DCLRE1C: variants seen among roughly 807,000 people sequenced by gnomAD.
The protein encoded by DCLRE1C is DNA cross-link repair 1C.
In DCLRE1C, 47 loss-of-function variants were observed where a neutral mutation model predicts 61.4. The observed-to-expected ratio is 0.77, with a 90% CI of 0.61 to 0.98. The LOEUF (loss-of-function observed/expected upper bound fraction) is 0.98, where lower values mean the gene tolerates loss of function less well. DCLRE1C is among the 50% of genes least tolerant of loss of function. The pLI is 0.00. For missense variants in DCLRE1C, 858 were observed against 816.0 expected (o/e 1.05, Z -0.63); for synonymous variants, 337 against 287.6 (o/e 1.17, Z -1.74).
In DCLRE1C at chr10:14,939,904, A is replaced by C. The variant is rs535774830; in HGVS notation, c.247-35T>G. 186 of 1,516,520 alleles carry C rather than the reference A, an allele frequency of 1.2e-4. 2 individuals carry two copies. The South Asian group carries it at 1.8e-3, about 15-fold the overall frequency. The allele number at this position is 1,516,520 out of a possible 1,614,324, so 93.9% of individuals were successfully genotyped here. On this transcript the variant is annotated intron_variant, in intron 3 of 13. Coordinates refer to ENST00000378278, the MANE Select transcript of DCLRE1C (RefSeq NM_001033855.3). ...TAAAATAAGAGACCATGTATATAGC[A>C]GTTTTTCATGGCTTTATATGCCTTT...
intron 1 of DCLRE1C, among the ~76,000 whole-genome samples, chr10:14,951,410 A>G (rs934201467): frequency 1.4e-5 from 2 of 147,328 alleles, no homozygotes; most frequent in African/African-American, 2.5e-5. Context: ...AAAAAAAAAA[A>G]AAAAAAAAAA....
chr10:14,934,648 T>C (rs2130941817), intron 7 of DCLRE1C, 55 bp downstream of exon 7: 1 of 1,611,552 alleles, frequency 6.2e-7, no homozygotes, highest in Non-Finnish European at 8.5e-7. Flanking sequence ...ACAAACTTCC[T>C]ACTAAAAACA....
At chr10:14,920,256 T>A (rs1836880156) in intron 12 of DCLRE1C, 1 of 429,960 alleles carries the variant, frequency 2.3e-6, no homozygotes, top group Non-Finnish European at 3.4e-6. Context: ...CAGTAGGGTT[T>A]ACTTATATCT....
intron 13 of DCLRE1C, among the ~76,000 whole-genome samples, chr10:14,915,048 A>G (rs1835941012): frequency 1.3e-5 from 2 of 152,138 alleles, no homozygotes; most frequent in Admixed American, 6.5e-5. Context: ...CTAGTAACAA[A>G]TTTCTAAATA....
At chr10:14,912,819 C>G (rs886357589) in intron 13 of DCLRE1C, among the ~76,000 whole-genome samples, 2 of 152,140 alleles carry the variant, frequency 1.3e-5, no homozygotes, top group African/African-American at 4.8e-5. Flanking sequence ...ATAGCTGGGA[C>G]TACAGGTGCC....
At chr10:14,936,199 G>C (rs910115641) in intron 5 of DCLRE1C, among the ~76,000 whole-genome samples, 5 of 151,920 alleles carry the variant, frequency 3.3e-5, no homozygotes, top group Admixed American at 2.0e-4. Context: ...TGGCCATGAA[G>C]ACTTCCATTT....
At position 14,906,128 on chromosome 10, in the gene DCLRE1C, G is replaced by A. The variant is rs547734090; in HGVS notation, c.*2280C>T. On this transcript the variant is annotated 3_prime_UTR_variant, in exon 14 of 14. Coordinates refer to ENST00000378278, the MANE Select transcript of DCLRE1C (RefSeq NM_001033855.3). ...CATAGCAGTTAAGATCATGGTCTCT[G>A]AAGCCAAACTGCCTGTGTTTGAATT... Among the ~76,000 whole-genome samples, 2 of 152,324 alleles carry A rather than the reference G, an allele frequency of 1.3e-5. No individual in the cohort carries two copies. The highest frequency in any genetic ancestry group is 3.9e-4 in the East Asian group (2 of 5,188).
chr10:14,932,246 T>C (rs893189471), intron 9 of DCLRE1C, among the ~76,000 whole-genome samples: 1 of 152,022 alleles, frequency 6.6e-6, no homozygotes. Context: ...CATATATAAA[T>C]AGCACAAATG....
Position 14,928,168 on chromosome 10 carries a change from A to G in DCLRE1C, c.781-16T>C, listed in dbSNP as rs1421642864. On this transcript the variant is annotated splice_polypyrimidine_tract_variant and intron_variant, in intron 9 of 13. Coordinates refer to ENST00000378278, the MANE Select transcript of DCLRE1C (RefSeq NM_001033855.3). Reference sequence around the variant, plus strand: ...ATTCCTCTGCCTAAAAAAGATAAAAAGCATAGAAAAACAGTTCTACATTTT... The same window carrying G: ...ATTCCTCTGCCTAAAAAAGATAAAAGGCATAGAAAAACAGTTCTACATTTT... 1 of 1,611,994 alleles carries G rather than the reference A, an allele frequency of 6.2e-7. No homozygotes were observed. The highest frequency in any genetic ancestry group is 1.1e-5 in the South Asian group (1 of 90,972).
intron 8 of DCLRE1C, among the ~76,000 whole-genome samples, chr10:14,933,770 A>G (rs2130928045): frequency 6.6e-6 from 1 of 152,344 alleles, no homozygotes; most frequent in South Asian, 2.1e-4. Flanking sequence ...CAATCACTAA[A>G]TTTATTTCAT....
chr10:14,954,184 G>A, upstream of DCLRE1C: 2 of 1,144,806 alleles, frequency 1.7e-6, no homozygotes. Context: ...GGAGCATCCG[G>A]TCGGGTTCTA....
At chr10:14,925,320 A>G (rs1837791218) in intron 11 of DCLRE1C, among the ~76,000 whole-genome samples, 1 of 152,068 alleles carries the variant, frequency 6.6e-6, no homozygotes, top group African/African-American at 2.4e-5. Context: ...AGGAGATAAG[A>G]GACACCCAAT....
At chr10:14,921,007 GGAAT>G (rs1274339461) in intron 12 of DCLRE1C, among the ~76,000 whole-genome samples, 1 of 148,938 alleles carries the variant, frequency 6.7e-6, no homozygotes, top group Non-Finnish European at 1.5e-5. Flanking sequence ...TGCAGGATAA[GGAAT>G]GAATATGCAT....
At position 14,908,508 on chromosome 10, in the gene DCLRE1C, T is replaced by C. The variant is rs2131769121; in HGVS notation, c.1979A>G (p.Glu660Gly). 1 of 1,614,138 alleles carries C rather than the reference T, an allele frequency of 6.2e-7. No individual in the cohort carries two copies. Among genetic ancestry groups the C allele is most frequent in the Non-Finnish European group, 8.5e-7 (1 of 1,180,012 alleles). ...TTGTAAATGCTCTCGTTTAGGTAAC[T>C]CAGCTTCTGGAGTTGAGGGAACTTC... Reference protein sequence around the residue: ...DFEVPSTPEAELPKREHLQYL... With the variant: ...DFEVPSTPEAGLPKREHLQYL... The change falls in exon 14 of 14, where the codon GAG becomes GGG. Residue 660 changes from glutamate to glycine, a missense_variant. By Grantham distance (98) the Glu-to-Gly change is moderately conservative. Around this residue, in one of 2 missense-constraint regions of DCLRE1C, gnomAD observed 843 missense variants for 783.5 expected, o/e 1.08. Transcript: ENST00000378278.
At chr10:14,928,307 C>G (rs983703893) in intron 9 of DCLRE1C, among the ~76,000 whole-genome samples, 155 bp from the exon 10 acceptor site, 2 of 151,988 alleles carry the variant, frequency 1.3e-5, no homozygotes, top group African/African-American at 4.8e-5. Flanking sequence ...AAGAAACAAT[C>G]AGATAATTCC....
In DCLRE1C at chr10:14,904,948, T is replaced by TC. The variant is rs1218813314; in HGVS notation, c.*3459dup. On this transcript the variant is annotated 3_prime_UTR_variant, in exon 14 of 14. Coordinates refer to ENST00000378278, the MANE Select transcript of DCLRE1C (RefSeq NM_001033855.3). ...CATAATTAGTAATCTCAGGGTTTTT[T>TC]CCCCCATATCTAAAATGTAGACAAT... Among the ~76,000 whole-genome samples the TC allele has an allele frequency of 6.6e-6, 1 of 152,204 alleles. No individual in the cohort carries two copies. The highest frequency in any genetic ancestry group is 1.5e-5 in the Non-Finnish European group (1 of 68,036).
At chr10:14,952,763 G>C (rs528945680) in intron 1 of DCLRE1C, among the ~76,000 whole-genome samples, 3 of 151,952 alleles carry the variant, frequency 2.0e-5, no homozygotes, top group African/African-American at 7.3e-5. Flanking sequence ...ATGCGAATAC[G>C]GCAACGCACG....
Position 14,908,524 on chromosome 10 carries a change from A to C in DCLRE1C, c.1963T>G (p.Ser655Ala), listed in dbSNP as rs762670101. The C allele has an allele frequency of 6.2e-7, 1 of 1,614,130 alleles. No individual in the cohort carries two copies. The highest frequency in any genetic ancestry group is 2.2e-5 in the East Asian group (1 of 44,860). ...TTAGGTAACTCAGCTTCTGGAGTTG[A>C]GGGAACTTCAAAATCAGAAGAGCTC... ...SQSSSDFEVP[S>A]TPEAELPKRE... Residue 655 changes from serine (S) to alanine (A), a missense_variant, in exon 14 of 14, where the codon TCA (serine) becomes GCA (alanine). Physicochemically the swap from Ser to Ala is moderately conservative, Grantham distance 99. Around this residue, in one of 2 missense-constraint regions of DCLRE1C, gnomAD observed 843 missense variants for 783.5 expected, o/e 1.08. Coordinates refer to ENST00000378278, the MANE Select transcript of DCLRE1C (RefSeq NM_001033855.3).
At chr10:14,897,637 G>T (rs1833677361) in exon 14 of DCLRE1C, 2 of 901,406 alleles carry the variant, frequency 2.2e-6, no homozygotes, top group Admixed American at 7.4e-5. Context: ...TTGCAGATAT[G>T]TAGAAATTTA....
Sources: allele counts gnomAD v4.1 joint callset (sites outside exome capture counted in the v4.1 genomes callset), GRCh38; gene constraint gnomAD v4.1.1; regional missense constraint gnomAD v4.1.1; transcripts MANE v1.5; gene names NCBI Gene and HGNC (gene_info 2026-07-23, HGNC 2026-07-21).